NRCAM: variants seen among roughly 807,000 people sequenced by gnomAD.
NRCAM encodes the protein neuronal cell adhesion molecule, also known as NgCAM-related cell adhesion molecule.
NRCAM carries 83 observed loss-of-function variants against 156.5 expected under a neutral mutation model. That is an observed-to-expected ratio of 0.53 (90% confidence interval 0.44 to 0.64). NRCAM has a LOEUF of 0.64. NRCAM is among the 30% of genes least tolerant of loss of function. The pLI, the probability that NRCAM is intolerant of heterozygous loss-of-function variation, is 0.00. For synonymous variants in NRCAM, 538 were observed against 563.9 expected (o/e 0.95, Z 0.65); for missense variants, 1,417 against 1,597.3 (o/e 0.89, Z 1.92).
intron 12 of NRCAM, 124 bp downstream of exon 12, chr7:108,209,297 A>C: frequency 1.5e-6 from 1 of 659,818 alleles, no homozygotes; most frequent in Non-Finnish European, 2.5e-6. Flanking sequence ...GAAGAGAGTC[A>C]AGGTACCATG....
intron 28 of NRCAM, among the ~76,000 whole-genome samples, chr7:108,170,259 C>G (rs1398215278): frequency 6.6e-6 from 1 of 152,060 alleles, no homozygotes; most frequent in African/African-American, 2.4e-5. Context: ...ATGGATGAAC[C>G]TGGAGGATAC....
At chr7:108,167,893 C>T (rs1242567880) in intron 29 of NRCAM, among the ~76,000 whole-genome samples, 1 of 152,022 alleles carries the variant, frequency 6.6e-6, no homozygotes, top group Non-Finnish European at 1.5e-5. Flanking sequence ...ACTTTCAAGT[C>T]AGTTTGATTT....
intron 30 of NRCAM, among the ~76,000 whole-genome samples, chr7:108,165,656 T>C (rs1405565658): frequency 1.3e-5 from 2 of 152,182 alleles, no homozygotes; most frequent in South Asian, 2.1e-4. Flanking sequence ...CAGAATAAAA[T>C]GTGTGGTTTT....
At chr7:108,331,631 T>A (rs2099128188) in intron 2 of NRCAM, among the ~76,000 whole-genome samples, 1 of 152,194 alleles carries the variant, frequency 6.6e-6, no homozygotes, top group Non-Finnish European at 1.5e-5. Context: ...GCCTGGCACA[T>A]AGCAGATGCT....
At chr7:108,405,698 A>C (rs1241308052) in intron 1 of NRCAM, among the ~76,000 whole-genome samples, 2 of 151,272 alleles carry the variant, frequency 1.3e-5, no homozygotes, top group Non-Finnish European at 2.9e-5. Flanking sequence ...ATTACGTTTT[A>C]GTTAAAGTTA....
At chr7:108,267,786 G>A (rs1335350695) in intron 3 of NRCAM, among the ~76,000 whole-genome samples, 1 of 152,130 alleles carries the variant, frequency 6.6e-6, no homozygotes, top group Non-Finnish European at 1.5e-5. Flanking sequence ...TTAATTAAAA[G>A]CTCAAGGGTA....
At chr7:108,310,199 C>G (rs959613709) in intron 3 of NRCAM, among the ~76,000 whole-genome samples, 6 of 152,200 alleles carry the variant, frequency 3.9e-5, no homozygotes, top group African/African-American at 1.4e-4. Flanking sequence ...GGGCATTCTT[C>G]TTCCTCAGAC....
At chr7:108,268,744 T>C (rs1029009276) in intron 3 of NRCAM, among the ~76,000 whole-genome samples, 3 of 152,068 alleles carry the variant, frequency 2.0e-5, no homozygotes, top group Non-Finnish European at 4.4e-5. Context: ...TAGTGTAAAT[T>C]CAGTAAAAAT....
chr7:108,194,845 T>G (rs2074044223), intron 15 of NRCAM, among the ~76,000 whole-genome samples: 1 of 152,234 alleles, frequency 6.6e-6, no homozygotes, highest in Non-Finnish European at 1.5e-5. Context: ...TTTCATTCAT[T>G]CCTTCTGAGC....
intron 5 of NRCAM, among the ~76,000 whole-genome samples, chr7:108,235,297 T>C (rs2094825842): frequency 6.6e-6 from 1 of 152,180 alleles, no homozygotes; most frequent in African/African-American, 2.4e-5. Context: ...TAGGAGACAG[T>C]GTTCCCATTT....
Position 108,431,619 on chromosome 7 carries a change from C to T in NRCAM, c.-332+24624G>A, listed in dbSNP as rs181042499. On this transcript the variant is annotated intron_variant, in intron 1 of 32. Transcript: ENST00000379028. Reference sequence around the variant, plus strand: ...GCAACATAGTGAGACTTCATCTCTACGAAAAAAATACAAAAATTAGCCAAG... The same window carrying T: ...GCAACATAGTGAGACTTCATCTCTATGAAAAAAATACAAAAATTAGCCAAG... Among the ~76,000 whole-genome samples, 304 of 151,952 alleles carry T rather than the reference C, an allele frequency of 2.0e-3. 3 individuals are homozygous for T. Among genetic ancestry groups the T allele is most frequent in the African/African-American group, 4.5e-3 (186 of 41,424 alleles).
intron 2 of NRCAM, among the ~76,000 whole-genome samples, chr7:108,313,006 G>C (rs995853043): frequency 6.6e-6 from 1 of 152,156 alleles, no homozygotes; most frequent in Admixed American, 6.5e-5. Context: ...TTTCAGTTTA[G>C]AGGAATAAAG....
intron 3 of NRCAM, among the ~76,000 whole-genome samples, chr7:108,293,009 A>G (rs1389365573): frequency 6.6e-6 from 1 of 152,150 alleles, no homozygotes; most frequent in Non-Finnish European, 1.5e-5. Flanking sequence ...AAGTTACTCC[A>G]CTGGTAACTT....
intron 1 of NRCAM, among the ~76,000 whole-genome samples, chr7:108,436,966 C>T (rs1447383031): frequency 6.6e-6 from 1 of 152,150 alleles, no homozygotes; most frequent in Non-Finnish European, 1.5e-5. Context: ...ATCCGCATTC[C>T]CATGTTTATT....
At chr7:108,347,234 C>T (rs992603017) in intron 2 of NRCAM, among the ~76,000 whole-genome samples, 4 of 151,950 alleles carry the variant, frequency 2.6e-5, no homozygotes, top group Non-Finnish European at 5.9e-5. Context: ...GATGGGATTT[C>T]ACCGTGTTAG....
chr7:108,193,984 G>C (rs1249820615), intron 17 of NRCAM, 40 bp downstream of exon 17: 3 of 1,598,218 alleles, frequency 1.9e-6, no homozygotes, highest in African/African-American at 2.7e-5. Flanking sequence ...ATAGCTTAAA[G>C]AAAGAATGAA....
intron 11 of NRCAM, among the ~76,000 whole-genome samples, chr7:108,211,971 C>G (rs116446724): frequency 0.03 from 4,522 of 152,270 alleles, 229 homozygotes; most frequent in African/African-American, 0.099. Flanking sequence ...AACCACCAAA[C>G]CTAAGAACCC....
At chr7:108,320,581 C>T (rs904681503) in intron 2 of NRCAM, among the ~76,000 whole-genome samples, 1 of 150,628 alleles carries the variant, frequency 6.6e-6, no homozygotes, top group African/African-American at 2.4e-5. Context: ...TTTTAAAACA[C>T]AAAACAACAG....
chr7:108,428,474 G>C (rs1820322120), intron 1 of NRCAM, among the ~76,000 whole-genome samples: 1 of 152,134 alleles, frequency 6.6e-6, no homozygotes, highest in Non-Finnish European at 1.5e-5. Flanking sequence ...CTGCACAAGT[G>C]ACCTTTCAGC....
Sources: gnomAD v4.1 joint callset for allele counts (sites outside exome capture counted in the v4.1 genomes callset) on GRCh38, gnomAD v4.1.1 for gene constraint, MANE v1.5 for transcripts, NCBI Gene and HGNC (gene_info 2026-07-23, HGNC 2026-07-21) for gene names.